CCDC178: variants seen among roughly 807,000 people sequenced by gnomAD.
CCDC178 encodes coiled-coil domain containing 178, also known as coiled-coil domain-containing protein 178.
CCDC178 carries 126 observed loss-of-function variants against 117.4 expected under a neutral mutation model. The ratio of observed to expected loss-of-function variants is 1.07; its 90% CI spans 0.93 to 1.24. CCDC178 has a LOEUF of 1.24. Among genes scored for constraint, CCDC178 ranks in the 50% most tolerant of loss-of-function variants. The pLI is 0.00. For synonymous variants in CCDC178, 283 were observed against 313.4 expected, an observed-to-expected ratio of 0.90 and a Z score of 1.02; for missense variants, 1,030 against 986.9, an observed-to-expected ratio of 1.04 and a Z score of -0.59.
intron 11 of CCDC178, among the ~76,000 whole-genome samples, chr18:33,319,042 A>G (rs927797220): frequency 6.6e-6 from 1 of 151,994 alleles, no homozygotes; most frequent in African/African-American, 2.4e-5. Flanking sequence ...TTTTTTAAAT[A>G]TATATATTTT....
At chr18:33,403,882 C>G (rs2063744184) in intron 3 of CCDC178, among the ~76,000 whole-genome samples, 1 of 152,104 alleles carries the variant, frequency 6.6e-6, no homozygotes. Context: ...CCAGCTCCAC[C>G]TTGTTCTCAC....
intron 11 of CCDC178, among the ~76,000 whole-genome samples, chr18:33,305,462 T>A (rs1191591204): frequency 6.6e-6 from 1 of 151,904 alleles, no homozygotes; most frequent in Non-Finnish European, 1.5e-5. Context: ...CCTGCTGGAG[T>A]CCTTGAGAGG....
At chr18:33,378,666 A>C (rs1430947833) in intron 5 of CCDC178, among the ~76,000 whole-genome samples, 1 of 152,138 alleles carries the variant, frequency 6.6e-6, no homozygotes, top group Non-Finnish European at 1.5e-5. Flanking sequence ...ATTTTATCAA[A>C]AGGTTTTTCG....
chr18:33,060,916 T>C (rs1336060317), intron 21 of CCDC178, among the ~76,000 whole-genome samples: 4 of 152,116 alleles, frequency 2.6e-5, no homozygotes, highest in Non-Finnish European at 5.9e-5. Context: ...AACTAAGTGA[T>C]ATAAAGATGA....
At chr18:33,231,817 G>A (rs941831986) in intron 15 of CCDC178, among the ~76,000 whole-genome samples, 1 of 152,094 alleles carries the variant, frequency 6.6e-6, no homozygotes, top group Admixed American at 6.6e-5. Flanking sequence ...TGAACCCTAT[G>A]TTGAGACACA....
rs936701512 is a variant in CCDC178 at position 33,253,612 on chromosome 18, G to A, written c.1410-8184C>T. Reference sequence around the variant, plus strand: ...ACAGAGCTTTCTGAGATAAACAATGGATATAGTCAAATGTAGAGATGGAGA... The same window carrying A: ...ACAGAGCTTTCTGAGATAAACAATGAATATAGTCAAATGTAGAGATGGAGA... On this transcript the variant is annotated intron_variant, in intron 14 of 22. Transcript: ENST00000383096. 9.2e-5 allele frequency among the ~76,000 whole-genome samples: 14 copies of A among 151,856 alleles called. 1 individual carries two copies. The highest frequency in any genetic ancestry group is 9.2e-4 in the Admixed American group (14 of 15,202).
intron 4 of CCDC178, among the ~76,000 whole-genome samples, chr18:33,391,939 C>T (rs2063570040): frequency 6.6e-6 from 1 of 151,906 alleles, no homozygotes; most frequent in Non-Finnish European, 1.5e-5. Flanking sequence ...TCTCGGTTCA[C>T]TGCAACCTCT....
At chr18:33,355,252 A>AT in intron 7 of CCDC178, among the ~76,000 whole-genome samples, 1 of 152,282 alleles carries the variant, frequency 6.6e-6, no homozygotes, top group Middle Eastern at 3.4e-3. Context: ...GTAGTGGGTT[A>AT]TTGTTTGTTT....
chr18:33,221,346 C>A (rs1167241970), intron 18 of CCDC178, among the ~76,000 whole-genome samples: 2 of 150,774 alleles, frequency 1.3e-5, no homozygotes, highest in Non-Finnish European at 2.9e-5. Context: ...GTGAGTCTTG[C>A]CTTTGCCCAA....
chr18:33,367,294 C>T (rs185488763), intron 6 of CCDC178, among the ~76,000 whole-genome samples: 129 of 152,088 alleles, frequency 8.5e-4, no homozygotes, highest in Admixed American at 1.6e-3. Flanking sequence ...GGAGGATTGC[C>T]ATTTTAAATA....
chr18:33,269,711 A>G (rs2059863341), intron 12 of CCDC178, among the ~76,000 whole-genome samples: 1 of 151,862 alleles, frequency 6.6e-6, no homozygotes, highest in East Asian at 1.9e-4. Context: ...TTCTCTAAAC[A>G]AAACAAAACA....
At chr18:33,064,534 A>C (rs2056979134) in intron 21 of CCDC178, among the ~76,000 whole-genome samples, 1 of 152,240 alleles carries the variant, frequency 6.6e-6, no homozygotes. Flanking sequence ...CCCTCATTCC[A>C]GTTAGAATGG....
At chr18:33,213,665 C>T (rs926164570) in intron 19 of CCDC178, among the ~76,000 whole-genome samples, 22 of 152,036 alleles carry the variant, frequency 1.4e-4, no homozygotes, top group African/African-American at 4.8e-4. Context: ...ACACTATGTA[C>T]GTGTATATCT....
chr18:33,227,182 T>C (rs2059313021), intron 15 of CCDC178, among the ~76,000 whole-genome samples: 1 of 151,974 alleles, frequency 6.6e-6, no homozygotes, highest in Non-Finnish European at 1.5e-5. Context: ...GTTTTTAATA[T>C]TACTTTCTGG....
chr18:33,044,946 A>G (rs1365067666), intron 21 of CCDC178, among the ~76,000 whole-genome samples: 3 of 152,168 alleles, frequency 2.0e-5, no homozygotes, highest in Non-Finnish European at 4.4e-5. Flanking sequence ...CATGTTCTCA[A>G]TGGGAGCCAA....
chr18:33,411,922 T>C (rs1033078195), intron 3 of CCDC178, 109 bp downstream of exon 3: 2 of 548,234 alleles, frequency 3.6e-6, no homozygotes, highest in African/African-American at 2.0e-5. Context: ...TTTGTGACCA[T>C]TATCTTGGAA....
intron 7 of CCDC178, among the ~76,000 whole-genome samples, chr18:33,354,350 GC>G (rs2063022303): frequency 6.6e-6 from 1 of 152,040 alleles, no homozygotes; most frequent in African/African-American, 2.4e-5. Context: ...GAGTTTCTTA[GC>G]CATTGTTTCT....
intron 21 of CCDC178, among the ~76,000 whole-genome samples, chr18:33,012,027 A>G (rs950123324): frequency 6.6e-6 from 1 of 152,152 alleles, no homozygotes; most frequent in African/African-American, 2.4e-5. Flanking sequence ...ATAATATGAC[A>G]ATGAATTTCT....
chr18:33,072,348 C>T (rs925098428), intron 21 of CCDC178, among the ~76,000 whole-genome samples: 1 of 152,008 alleles, frequency 6.6e-6, no homozygotes, highest in African/African-American at 2.4e-5. Flanking sequence ...AAGAGAGTCC[C>T]CATAAGAAAA....
Sources: gnomAD v4.1 joint callset for allele counts (sites outside exome capture counted in the v4.1 genomes callset) on GRCh38, gnomAD v4.1.1 for gene constraint, MANE v1.5 for transcripts, NCBI Gene and HGNC (gene_info 2026-07-23, HGNC 2026-07-21) for gene names.